ADAMTSL1: variants seen among roughly 807,000 people sequenced by gnomAD.
The protein encoded by ADAMTSL1 is ADAMTS like 1.
Under a neutral mutation model 201.8 loss-of-function variants are expected in ADAMTSL1, and 126 were observed. The ratio of observed to expected loss-of-function variants is 0.62; its 90% CI spans 0.54 to 0.72. The LOEUF is 0.72. Among genes scored for constraint, ADAMTSL1 ranks in the 30% least tolerant of loss-of-function variants. The pLI, the probability that ADAMTSL1 is intolerant of heterozygous loss-of-function variation, is 0.00. For missense variants in ADAMTSL1, 2,679 were observed against 2,277.8 expected (o/e 1.18, Z -3.59); for synonymous variants, 1,121 against 903.4 (o/e 1.24, Z -4.32).
chr9:18,109,883 C>T (rs1231310535), intron 1 of ADAMTSL1, among the ~76,000 whole-genome samples: 1 of 152,136 alleles, frequency 6.6e-6, no homozygotes, highest in Non-Finnish European at 1.5e-5. Flanking sequence ...CCAAAGAGAG[C>T]AGAGTGACAG....
At chr9:18,339,294 G>A (rs528909807) in intron 2 of ADAMTSL1, among the ~76,000 whole-genome samples, 4 of 152,164 alleles carry the variant, frequency 2.6e-5, no homozygotes, top group Admixed American at 1.3e-4. Flanking sequence ...GTAGGCAAAG[G>A]ACATGAACAG....
intron 1 of ADAMTSL1, among the ~76,000 whole-genome samples, chr9:17,975,066 GCAAA>G (rs1205255852): frequency 2.0e-5 from 3 of 151,962 alleles, no homozygotes; most frequent in Non-Finnish European, 4.4e-5. Flanking sequence ...TCCAAGAGAT[GCAAA>G]GTGGTATTTT....
At chr9:18,748,646 A>G (rs1186597067) in intron 15 of ADAMTSL1, among the ~76,000 whole-genome samples, 1 of 152,190 alleles carries the variant, frequency 6.6e-6, no homozygotes, top group Non-Finnish European at 1.5e-5. Flanking sequence ...TAAGATGTCC[A>G]CCAGCCATGT....
chr9:18,676,127 G>T (rs1398303072), intron 10 of ADAMTSL1, among the ~76,000 whole-genome samples: 1 of 152,044 alleles, frequency 6.6e-6, no homozygotes, highest in Non-Finnish European at 1.5e-5. Context: ...GTAGAATCAT[G>T]TTACACTGGA....
chr9:18,183,968 A>G (rs914294527), intron 2 of ADAMTSL1, among the ~76,000 whole-genome samples: 4 of 152,188 alleles, frequency 2.6e-5, no homozygotes, highest in South Asian at 2.1e-4. Context: ...AATCTGAGAC[A>G]TTGTTTTTCA....
chr9:18,167,409 C>G (rs1244571607), intron 2 of ADAMTSL1, among the ~76,000 whole-genome samples: 1 of 151,798 alleles, frequency 6.6e-6, no homozygotes, highest in Non-Finnish European at 1.5e-5. Context: ...ATAGAGGTGT[C>G]TTTTGTGAAA....
chr9:18,171,013 A>G (rs2132124262), intron 2 of ADAMTSL1, among the ~76,000 whole-genome samples: 1 of 152,258 alleles, frequency 6.6e-6, no homozygotes, highest in Admixed American at 6.5e-5. Context: ...CATGAATGGG[A>G]AGTCTTAATG....
At chr9:18,101,853 G>T (rs1047928815) in intron 1 of ADAMTSL1, among the ~76,000 whole-genome samples, 6 of 152,200 alleles carry the variant, frequency 3.9e-5, no homozygotes, top group Non-Finnish European at 7.3e-5. Flanking sequence ...CTTGACTTTA[G>T]ATCAGAGGAT....
intron 1 of ADAMTSL1, among the ~76,000 whole-genome samples, chr9:18,100,772 A>T (rs1824479623): frequency 6.6e-6 from 1 of 152,140 alleles, no homozygotes; most frequent in South Asian, 2.1e-4. Flanking sequence ...CCTTACCAGG[A>T]TCTTGTTGTA....
chr9:18,183,819 A>C (rs892892157), intron 2 of ADAMTSL1, among the ~76,000 whole-genome samples: 3 of 152,236 alleles, frequency 2.0e-5, no homozygotes, highest in African/African-American at 4.8e-5. Flanking sequence ...TACTATTCTA[A>C]TTACAGCTTG....
rs370591614 is a variant in ADAMTSL1 at position 18,124,035 on chromosome 9, T to C, written c.88-39827T>C. 1.2e-3 allele frequency among the ~76,000 whole-genome samples: 189 copies of C among 151,710 alleles called. 7 individuals are homozygous for C. The South Asian group carries it at 0.039, about 31-fold the overall frequency. ...GTGGTTTTGATTTGCATTTTCCTAA[T>C]GATTAATGATGTTGAGTATCTTTTT... On this transcript the variant is annotated intron_variant, in intron 1 of 29. Transcript: ENST00000680146.
intron 4 of ADAMTSL1, among the ~76,000 whole-genome samples, chr9:18,584,631 A>G: frequency 6.6e-6 from 1 of 152,188 alleles, no homozygotes; most frequent in Non-Finnish European, 1.5e-5. Context: ...TATGATAATT[A>G]ATTTTAGGTG....
intron 1 of ADAMTSL1, among the ~76,000 whole-genome samples, chr9:18,160,898 G>C (rs1447398509): frequency 6.8e-6 from 1 of 147,590 alleles, no homozygotes; most frequent in African/African-American, 2.5e-5. Flanking sequence ...TATTTGCCCA[G>C]GCTGGTCTGG....
intron 23 of ADAMTSL1, among the ~76,000 whole-genome samples, chr9:18,835,950 A>G (rs752709862): frequency 6.6e-6 from 1 of 152,220 alleles, no homozygotes; most frequent in Non-Finnish European, 1.5e-5. Flanking sequence ...TACTGTGAAT[A>G]GTGCTGCAAT....
intron 15 of ADAMTSL1, among the ~76,000 whole-genome samples, chr9:18,722,367 T>C (rs566332): frequency 0.31 from 46,610 of 152,006 alleles, 7,391 homozygotes; most frequent in Middle Eastern, 0.38. Context: ...GTTTAAGAAC[T>C]AAATCCAGAC....
chr9:18,023,390 G>A (rs1033853347), intron 1 of ADAMTSL1, among the ~76,000 whole-genome samples: 2 of 151,974 alleles, frequency 1.3e-5, no homozygotes, highest in African/African-American at 4.8e-5. Flanking sequence ...GTGTTTCTGT[G>A]GCAATTTATT....
At chr9:18,117,917 C>T (rs1825324117) in intron 1 of ADAMTSL1, among the ~76,000 whole-genome samples, 1 of 152,148 alleles carries the variant, frequency 6.6e-6, no homozygotes, top group African/African-American at 2.4e-5. Context: ...TTTGTACTAA[C>T]TCTATCTTTT....
intron 15 of ADAMTSL1, among the ~76,000 whole-genome samples, chr9:18,748,642 G>A (rs539614889): frequency 8.5e-5 from 13 of 152,236 alleles, no homozygotes; most frequent in Admixed American, 5.9e-4. Flanking sequence ...TAACTAAGAT[G>A]TCCACCAGCC....
chr9:17,990,364 A>G (rs1019546993), intron 1 of ADAMTSL1, among the ~76,000 whole-genome samples: 1 of 151,998 alleles, frequency 6.6e-6, no homozygotes, highest in African/African-American at 2.4e-5. Flanking sequence ...ATACTTAATC[A>G]TTGAGATGTT....
Sources: allele counts gnomAD v4.1 joint callset (sites outside exome capture counted in the v4.1 genomes callset), GRCh38; gene constraint gnomAD v4.1.1; transcripts MANE v1.5; gene names NCBI Gene and HGNC (gene_info 2026-07-23, HGNC 2026-07-21).